Variants in DERL3 observed in about 807,000 individuals in gnomAD.
DERL3 encodes derlin 3.
DERL3 carries 20 observed loss-of-function variants against 23.8 expected under a neutral mutation model. That is an observed-to-expected ratio of 0.84 (90% CI 0.59 to 1.22). The LOEUF is 1.22. Among genes scored for constraint, DERL3 ranks in the 50% most tolerant of loss-of-function variants. The pLI is 0.00. For synonymous variants in DERL3, 145 were observed against 132.5 expected, an observed-to-expected ratio of 1.09 and a Z score of -0.65; for missense variants, 319 against 304.1, an observed-to-expected ratio of 1.05 and a Z score of -0.36.
In DERL3 at chr22:23,834,737, C is replaced by A; in HGVS notation, c.*2132G>T. 1 of 1,484,004 alleles carries A rather than the reference C, an allele frequency of 6.7e-7. No individual in the cohort carries two copies. Among genetic ancestry groups the A allele is most frequent in the South Asian group, 1.3e-5 (1 of 75,012 alleles). 91.9% of individuals were successfully genotyped at this position (1,484,004 alleles called of 1,614,324 possible). On this transcript the variant is annotated 3_prime_UTR_variant, in exon 7 of 7. Coordinates refer to ENST00000318109, the MANE Select transcript of DERL3 (RefSeq NM_001002862.3). The stretch of plus-strand genomic sequence containing the variant: ...CCTCAGCCTGTTCTCCTTCCAGACC[C>A]AGAGAGCTGAGAAGAGTAGCTGTGA...
Position 23,835,575 on chromosome 22 carries a change from C to G in DERL3, c.*1294G>C, listed in dbSNP as rs1455659717. 1 of 985,394 alleles carries G rather than the reference C, an allele frequency of 1.0e-6. No individual in the cohort carries two copies. The highest frequency in any genetic ancestry group is 4.7e-5 in the South Asian group (1 of 21,294). 61.0% of individuals were successfully genotyped at this position (985,394 alleles called of 1,614,324 possible). ...GGGAGTTTGCACTCAGGGCCTCTGCCCTCCATCAAAGAGTGGAACTCCCCA... is the reference window on the plus strand; with the variant it reads ...GGGAGTTTGCACTCAGGGCCTCTGCGCTCCATCAAAGAGTGGAACTCCCCA... On this transcript the variant is annotated 3_prime_UTR_variant, in exon 7 of 7. Transcript: ENST00000318109.
chr22:23,838,679 G>A (rs1161998898), intron 2 of DERL3, 32 bp downstream of exon 2: 1 of 464,580 alleles, frequency 2.2e-6, no homozygotes, highest in Non-Finnish European at 4.4e-6. Context: ...GGTGGGTCGG[G>A]CCCACAGGTG....
At chr22:23,837,304 G>T in intron 5 of DERL3, 150 bp from the exon 6 acceptor site, 1 of 1,060,072 alleles carries the variant, frequency 9.4e-7, no homozygotes, top group South Asian at 1.5e-5. Flanking sequence ...TGCCAGCCCC[G>T]GGTTGGCCGT....
rs1017573746 is a variant in DERL3 at position 23,836,297 on chromosome 22, C to G, written c.*572G>C. 3 of 985,382 alleles carry G rather than the reference C, an allele frequency of 3.0e-6. No homozygotes were observed. The African/African-American group carries it at 5.2e-5, about 17-fold the overall frequency. 61.0% of individuals were successfully genotyped at this position (985,382 alleles called of 1,614,324 possible). A position where few individuals can be genotyped will look rare whatever the true frequency, so the allele number is the denominator to read the frequency against. On this transcript the variant is annotated 3_prime_UTR_variant, in exon 7 of 7. Transcript: ENST00000318109. ...CCAGATGAAAAATGAGGCATACGCC[C>G]ACCTGTCAGGGTGGCTGATGAGAGA...
At chr22:23,837,310 G>T in intron 5 of DERL3, 156 bp from the exon 6 acceptor site, 1 of 1,007,564 alleles carries the variant, frequency 9.9e-7, no homozygotes, top group Non-Finnish European at 1.5e-6. Flanking sequence ...CCCCGGGTTG[G>T]CCGTGAAGGA....
At chr22:23,838,681 C>A in intron 2 of DERL3, 30 bp downstream of exon 2, 2 of 1,546,892 alleles carry the variant, frequency 1.3e-6, no homozygotes, top group Non-Finnish European at 1.7e-6. Flanking sequence ...TGGGTCGGGC[C>A]CACAGGTGCG....
rs562534869 is a variant in DERL3, at chr22:23,836,856, C to T, written c.*13G>A. 1.2e-5 allele frequency: 18 copies of T among 1,454,636 alleles called. No homozygotes were observed. The South Asian group carries it at 2.2e-4, about 18-fold the overall frequency. 90.1% of individuals were successfully genotyped at this position (1,454,636 alleles called of 1,614,324 possible). On this transcript the variant is annotated 3_prime_UTR_variant, in exon 7 of 7. Transcript: ENST00000318109. Reference sequence around the variant, plus strand: ...GCTGCCAGAAGCCTCTTAGGCCTGGCCCTGGGTGGGGGTCACTGCTGCGGG... The same window carrying T: ...GCTGCCAGAAGCCTCTTAGGCCTGGTCCTGGGTGGGGGTCACTGCTGCGGG...
chr22:23,837,279 A>C, intron 5 of DERL3, 125 bp from the exon 6 acceptor site: 1 of 1,260,944 alleles, frequency 7.9e-7, no homozygotes, highest in Non-Finnish European at 1.1e-6. Context: ...GAGTGCCCCA[A>C]AGCCTTGCAC....
chr22:23,838,018 C>T (rs1311054129), intron 4 of DERL3, 164 bp from the exon 5 acceptor site: 22 of 1,300,804 alleles, frequency 1.7e-5, no homozygotes, highest in Non-Finnish European at 2.3e-5. Context: ...GCTTCAGGTC[C>T]CACGAAATCT....
At chr22:23,838,120 G>C in intron 4 of DERL3, 1 of 1,520,228 alleles carries the variant, frequency 6.6e-7, no homozygotes. Flanking sequence ...GGCTCAGCTA[G>C]TGGCCCTGAC....
At position 23,837,827 on chromosome 22, in the gene DERL3, A is replaced by C. The variant is rs765369510; in HGVS notation, c.355T>G (p.Phe119Val). ...ATGGCCATGAGGGCCTGGCCCAGGA[A>C]GAACAGGCTGCCCAGGAGTCCCAGC... ...TLLGLLGSLF[F>V]LGQALMAMLV... The change falls in exon 5 of 7, where the codon TTC becomes GTC. Residue 119 changes from phenylalanine to valine, a missense_variant. Coordinates refer to ENST00000318109, the MANE Select transcript of DERL3 (RefSeq NM_001002862.3). 6.8e-6 allele frequency: 11 copies of C among 1,613,364 alleles called. No homozygotes were observed. Among genetic ancestry groups the C allele is most frequent in the Non-Finnish European group, 8.5e-6 (10 of 1,179,732 alleles).
chr22:23,837,328 A>T, intron 5 of DERL3, 174 bp from the exon 6 acceptor site: 1 of 845,436 alleles, frequency 1.2e-6, no homozygotes, highest in African/African-American at 1.7e-5. Context: ...GGACAAGCTT[A>T]AAAGGCCCAG....
Position 23,836,129 on chromosome 22 carries a change from G to A in DERL3, c.*740C>T. The A allele has an allele frequency of 1.0e-6, 1 of 985,390 alleles. No homozygotes were observed. The highest frequency in any genetic ancestry group is 1.2e-6 in the Non-Finnish European group (1 of 829,928). 61.0% of individuals were successfully genotyped at this position (985,390 alleles called of 1,614,324 possible). On this transcript the variant is annotated 3_prime_UTR_variant, in exon 7 of 7. Transcript: ENST00000318109. ...CACACGTCCTCAGCTAAAAAGGGCA[G>A]GAACAGAACCTTCCAGAAGTCCCTG...
intron 4 of DERL3, 90 bp from the exon 5 acceptor site, chr22:23,837,944 T>C: frequency 7.4e-7 from 1 of 1,346,876 alleles, no homozygotes; most frequent in East Asian, 2.5e-5. Context: ...CTTCCCCTCA[T>C]CTCCCCTATG....
chr22:23,834,539 A>ACAGGTCATGTTCAATTTCTTCAACAGGTC lies in DERL3; in HGVS notation c.*2329_*2330insGACCTGTTGAAGAAATTGAACATGACCTG. ...CAACAGGTCATGTTCAATTTCTTCAAAGTTTTAACATAAAAATAATGAGAG... is the reference window on the plus strand; with the variant it reads ...CAACAGGTCATGTTCAATTTCTTCAACAGGTCATGTTCAATTTCTTCAACAGGTCAGTTTTAACATAAAAATAATGAGAG... On this transcript the variant is annotated 3_prime_UTR_variant, in exon 7 of 7. Transcript: ENST00000318109. The ACAGGTCATGTTCAATTTCTTCAACAGGTC allele has an allele frequency of 1.5e-6, 1 of 688,594 alleles. No individual in the cohort carries two copies. Among genetic ancestry groups the ACAGGTCATGTTCAATTTCTTCAACAGGTC allele is most frequent in the Middle Eastern group, 2.4e-4 (1 of 4,252 alleles). The allele number at this position is 688,594 out of a possible 1,614,324, so 42.7% of individuals were successfully genotyped here.
Position 23,836,878 on chromosome 22 carries a change from C to CG in DERL3, c.698dup (p.Gln234AlafsTer11). On this transcript the variant is annotated frameshift_variant, in exon 7 of 7. Transcript: ENST00000318109. LOFTEE classifies it high-confidence loss of function. Reference sequence around the variant, plus strand: ...TGGCCCTGGGTGGGGGTCACTGCTGCGGGGGTGGCAGATGGGGTCCTGGCT... The same window carrying CG: ...TGGCCCTGGGTGGGGGTCACTGCTGCGGGGGGTGGCAGATGGGGTCCTGGCT... 3.4e-6 allele frequency: 5 copies of CG among 1,470,736 alleles called. No homozygotes were observed. In the South Asian group the frequency reaches 5.7e-5, roughly 17 times the overall value. 91.1% of individuals were successfully genotyped at this position (1,470,736 alleles called of 1,614,324 possible).
chr22:23,835,619 G>T lies in DERL3; in HGVS notation c.*1250C>A. On this transcript the variant is annotated 3_prime_UTR_variant, in exon 7 of 7. Transcript: ENST00000318109. ...CTCCCCAGAGCCCCATGCACAGCAA[G>T]GGGACAGCTGGGCCTTACTGGAAGG... 1.0e-6 allele frequency: 1 copy of T among 985,516 alleles called. No homozygotes were observed. Among genetic ancestry groups the T allele is most frequent in the African/African-American group, 1.7e-5 (1 of 57,380 alleles). The allele number at this position is 985,516 out of a possible 1,614,324, so 61.0% of individuals were successfully genotyped here. A position where few individuals can be genotyped will look rare whatever the true frequency, so the allele number is the denominator to read the frequency against.
At position 23,836,628 on chromosome 22, in the gene DERL3, C is replaced by A; in HGVS notation, c.*241G>T. 8.1e-7 allele frequency: 1 copy of A among 1,235,078 alleles called. No homozygotes were observed. Among genetic ancestry groups the A allele is most frequent in the African/African-American group, 1.6e-5 (1 of 64,126 alleles). 76.5% of individuals were successfully genotyped at this position (1,235,078 alleles called of 1,614,324 possible). ...TTTGCCCTCTGTGGGCACCCCTATCCTACCACCTGCAGTTGGGCTGAGAGG... is the reference window on the plus strand; with the variant it reads ...TTTGCCCTCTGTGGGCACCCCTATCATACCACCTGCAGTTGGGCTGAGAGG... On this transcript the variant is annotated 3_prime_UTR_variant, in exon 7 of 7. Transcript: ENST00000318109.
Position 23,834,567 on chromosome 22 carries a change from A to G in DERL3, c.*2302T>C, listed in dbSNP as rs368115976. 1 of 684,184 alleles carries G rather than the reference A, an allele frequency of 1.5e-6. No homozygotes were observed. 42.4% of individuals were successfully genotyped at this position (684,184 alleles called of 1,614,324 possible). On this transcript the variant is annotated 3_prime_UTR_variant, in exon 7 of 7. Transcript: ENST00000318109. Reference sequence around the variant, plus strand: ...TTTTAACATAAAAATAATGAGAGCCAGGAGTGGGGCCGGGGCCTGGGGGGA... The same window carrying G: ...TTTTAACATAAAAATAATGAGAGCCGGGAGTGGGGCCGGGGCCTGGGGGGA...
Sources: allele counts gnomAD v4.1 joint callset, GRCh38; gene constraint gnomAD v4.1.1; transcripts MANE v1.5; gene names NCBI Gene and HGNC (gene_info 2026-07-23, HGNC 2026-07-21).